CCSER1: variants seen among roughly 807,000 people sequenced by gnomAD.
The protein encoded by CCSER1 is serine-rich coiled-coil domain-containing protein 1.
In CCSER1, 41 loss-of-function variants were observed where a neutral mutation model predicts 82.0. The observed-to-expected ratio is 0.50, with a 90% CI of 0.39 to 0.65. CCSER1 has a LOEUF of 0.65. Ranked by LOEUF, CCSER1 falls within the 30% of genes least tolerant of loss-of-function variation. The pLI, the probability that CCSER1 is intolerant of heterozygous loss-of-function variation, is 0.00. For missense variants in CCSER1, 1,119 were observed against 1,064.2 expected (o/e 1.05, Z -0.72); for synonymous variants, 414 against 383.9 (o/e 1.08, Z -0.92).
chr4:91,516,703 C>T (rs1316743487), intron 10 of CCSER1, among the ~76,000 whole-genome samples: 1 of 151,984 alleles, frequency 6.6e-6, no homozygotes, highest in Non-Finnish European at 1.5e-5. Context: ...CTTTTTCTTC[C>T]AAATGAATTT....
At chr4:90,419,516 G>A (rs1415380396) in intron 4 of CCSER1, among the ~76,000 whole-genome samples, 1 of 151,754 alleles carries the variant, frequency 6.6e-6, no homozygotes, top group African/African-American at 2.4e-5. Context: ...TTAAATGGCA[G>A]TTTCTTTTAA....
chr4:90,881,498 G>A (rs1241472562), intron 8 of CCSER1, among the ~76,000 whole-genome samples: 1 of 152,176 alleles, frequency 6.6e-6, no homozygotes, highest in African/African-American at 2.4e-5. Flanking sequence ...ACTGCCAGAT[G>A]TGGTGGCTTG....
intron 10 of CCSER1, among the ~76,000 whole-genome samples, chr4:91,311,666 A>C (rs551545956): frequency 6.6e-6 from 1 of 151,962 alleles, no homozygotes; most frequent in African/African-American, 2.4e-5. Flanking sequence ...TCTATAAATC[A>C]TAAACTGACA....
At chr4:90,815,360 G>T (rs1200820348) in intron 7 of CCSER1, among the ~76,000 whole-genome samples, 2 of 152,152 alleles carry the variant, frequency 1.3e-5, no homozygotes, top group African/African-American at 2.4e-5. Context: ...AGCCATATCA[G>T]TATCTTTTTA....
intron 9 of CCSER1, among the ~76,000 whole-genome samples, chr4:91,021,293 A>C (rs1048420719): frequency 3.3e-5 from 5 of 152,134 alleles, no homozygotes; most frequent in Middle Eastern, 3.2e-3. Flanking sequence ...ACTTTCCATG[A>C]GATAATATAT....
intron 3 of CCSER1, among the ~76,000 whole-genome samples, chr4:90,343,435 G>A (rs1044686350): frequency 2.0e-5 from 3 of 152,046 alleles, no homozygotes; most frequent in Non-Finnish European, 2.9e-5. Context: ...TGGCCGACAC[G>A]GTGAAACCCC....
intron 3 of CCSER1, among the ~76,000 whole-genome samples, chr4:90,326,176 A>C (rs917996724): frequency 3.8e-4 from 56 of 148,108 alleles, no homozygotes; most frequent in Non-Finnish European, 5.5e-4. Flanking sequence ...CTCCTGCCTC[A>C]GCCTCCTGAG....
At chr4:91,123,312 G>C (rs1727245288) in intron 10 of CCSER1, among the ~76,000 whole-genome samples, 1 of 151,764 alleles carries the variant, frequency 6.6e-6, no homozygotes, top group South Asian at 2.1e-4. Context: ...AAAAGCTTAT[G>C]ATAAGAAATA....
intron 1 of CCSER1, among the ~76,000 whole-genome samples, chr4:90,196,614 T>C (rs1736663149): frequency 6.7e-6 from 1 of 149,656 alleles, no homozygotes; most frequent in Admixed American, 6.7e-5. Flanking sequence ...TCCCCATAGA[T>C]ACTGATTTCA....
At chr4:90,650,338 A>AT (rs1728513011) in intron 6 of CCSER1, among the ~76,000 whole-genome samples, 1 of 152,134 alleles carries the variant, frequency 6.6e-6, no homozygotes, top group African/African-American at 2.4e-5. Context: ...AATAAGAATA[A>AT]TGAAAAAAAA....
At chr4:90,454,330 A>G (rs551575972) in intron 4 of CCSER1, among the ~76,000 whole-genome samples, 2 of 148,940 alleles carry the variant, frequency 1.3e-5, no homozygotes, top group South Asian at 2.1e-4. Context: ...CCTACAGCCT[A>G]TTTTTGCAGC....
chr4:90,809,772 G>C (rs1758006803), intron 7 of CCSER1, among the ~76,000 whole-genome samples: 1 of 151,970 alleles, frequency 6.6e-6, no homozygotes, highest in Non-Finnish European at 1.5e-5. Flanking sequence ...CATGCCTGCA[G>C]TCCTAGCTAC....
rs1731022511 is a variant in CCSER1, at chr4:91,158,275, A to G, written c.2217+72281A>G. ...CTATTTTATGCTTTCTTTTTGCCTA[A>G]TCATATAAATGTTTTTACTTCATGA... is the stretch of plus-strand genomic sequence containing the variant. On this transcript the variant is annotated intron_variant, in intron 10 of 10. Transcript: ENST00000509176. Among the ~76,000 whole-genome samples the G allele has an allele frequency of 2.0e-5, 3 of 151,982 alleles. 1 individual carries two copies.
chr4:90,598,128 G>A lies in CCSER1; in HGVS notation c.1725-29897G>A, dbSNP rs148287990. On this transcript the variant is annotated intron_variant, in intron 5 of 10. Coordinates refer to ENST00000509176, the MANE Select transcript of CCSER1 (RefSeq NM_001145065.2). ...ACAGTGTAGCTATCTTTAGGGAGTG[G>A]TGATTTCATATCTTTTGAGTCTATT... Among the ~76,000 whole-genome samples the A allele has an allele frequency of 4.4e-3, 672 of 152,152 alleles. 6 individuals are homozygous for A. The highest frequency in any genetic ancestry group is 0.016 in the African/African-American group (647 of 41,532).
chr4:90,518,467 A>T (rs908303326), intron 5 of CCSER1, among the ~76,000 whole-genome samples: 6 of 152,116 alleles, frequency 3.9e-5, no homozygotes, highest in Admixed American at 3.3e-4. Context: ...GTAATAGCAC[A>T]GTTTCATAAC....
At chr4:90,669,115 T>G (rs10516875) in intron 6 of CCSER1, among the ~76,000 whole-genome samples, 29,252 of 151,814 alleles carry the variant, frequency 0.19, 3,013 homozygotes, top group Middle Eastern at 0.29. Flanking sequence ...ATATATAATA[T>G]AGTGAACTCC....
At position 91,378,875 on chromosome 4, in the gene CCSER1, T is replaced by C. The variant is rs899994174; in HGVS notation, c.2218-219697T>C. ...CAGTTTTTGCCCATTCAGTATGATA[T>C]TGGCTGTGGGTTTGCCATAGATAGC... On this transcript the variant is annotated intron_variant, in intron 10 of 10. Coordinates refer to ENST00000509176, the MANE Select transcript of CCSER1 (RefSeq NM_001145065.2). 5.3e-5 allele frequency among the ~76,000 whole-genome samples: 8 copies of C among 152,308 alleles called. 1 individual carries two copies. The highest frequency in any genetic ancestry group is 1.3e-4 in the Admixed American group (2 of 15,282).
In CCSER1 at chr4:91,056,660, T is replaced by C. The variant is rs536851183; in HGVS notation, c.2173-29290T>C. Among the ~76,000 whole-genome samples the C allele has an allele frequency of 1.2e-4, 19 of 152,208 alleles. No individual in the cohort carries two copies. The East Asian group carries it at 3.5e-3, about 28-fold the overall frequency. On this transcript the variant is annotated intron_variant, in intron 9 of 10. Transcript: ENST00000509176. ...CAGATCATAGCATAAGCCTGTTGAA[T>C]TTTTTGTGAAAACTGTGCGTCTAAA...
chr4:90,500,523 A>T (rs1769697144), intron 5 of CCSER1, among the ~76,000 whole-genome samples: 1 of 151,966 alleles, frequency 6.6e-6, no homozygotes, highest in South Asian at 2.1e-4. Flanking sequence ...CAGAGTTTGG[A>T]TCTCACTATG....
Sources: allele counts gnomAD v4.1 joint callset (sites outside exome capture counted in the v4.1 genomes callset), GRCh38; gene constraint gnomAD v4.1.1; transcripts MANE v1.5; gene names NCBI Gene and HGNC (gene_info 2026-07-23, HGNC 2026-07-21).